SNX6: variants seen among roughly 807,000 people sequenced by gnomAD.
The protein encoded by SNX6 is sorting nexin 6.
Under a neutral mutation model 63.0 loss-of-function variants are expected in SNX6, and 34 were observed. That is an observed-to-expected ratio of 0.54 (90% CI 0.41 to 0.72). SNX6 has a LOEUF of 0.72. Among genes scored for constraint, SNX6 ranks in the 30% least tolerant of loss-of-function variants. The pLI is 0.00. For synonymous variants in SNX6, 170 were observed against 164.2 expected, an observed-to-expected ratio of 1.04 and a Z score of -0.27; for missense variants, 398 against 471.4, an observed-to-expected ratio of 0.84 and a Z score of 1.44.
intron 9 of SNX6, among the ~76,000 whole-genome samples, chr14:34,583,996 C>T (rs1414564596): frequency 2.6e-5 from 4 of 151,732 alleles, no homozygotes; most frequent in South Asian, 2.1e-4. Context: ...TACAGGCATG[C>T]GCCACCACGC....
chr14:34,614,691 G>A (rs182704862), intron 2 of SNX6, among the ~76,000 whole-genome samples: 84 of 152,310 alleles, frequency 5.5e-4, no homozygotes, highest in Middle Eastern at 6.8e-3. Context: ...GCCAAGGCAG[G>A]AGGATCGCTT....
intron 10 of SNX6, among the ~76,000 whole-genome samples, chr14:34,578,676 C>T (rs1393293367): frequency 6.7e-6 from 1 of 148,246 alleles, no homozygotes; most frequent in Non-Finnish European, 1.5e-5. Flanking sequence ...TGCGGTGGCT[C>T]ATGCCTGTAA....
chr14:34,625,183 G>C (rs1594754239), intron 2 of SNX6, among the ~76,000 whole-genome samples: 2 of 152,130 alleles, frequency 1.3e-5, no homozygotes, highest in East Asian at 3.9e-4. Context: ...CCAAAGTGTT[G>C]GGATTATAGG....
At chr14:34,563,199 T>C in intron 13 of SNX6, 24 bp from the exon 14 acceptor site, 5 of 1,597,650 alleles carry the variant, frequency 3.1e-6, no homozygotes, top group Non-Finnish European at 3.4e-6. Context: ...AAAAAATAAA[T>C]TACAAATTTT....
chr14:34,597,381 C>T (rs372048852), intron 7 of SNX6, among the ~76,000 whole-genome samples, 169 bp downstream of exon 7: 19 of 152,248 alleles, frequency 1.2e-4, no homozygotes, highest in Admixed American at 8.5e-4. Flanking sequence ...CAGAAGGGAA[C>T]GCTCTAAAGA....
intron 3 of SNX6, 94 bp from the exon 4 acceptor site, chr14:34,608,234 G>A (rs1029233949): frequency 1.6e-6 from 1 of 621,184 alleles, no homozygotes; most frequent in African/African-American, 1.9e-5. Flanking sequence ...CTGGAGTGCA[G>A]TCGAACAATC....
chr14:34,562,922 C>T lies in SNX6; in HGVS notation c.*200G>A. 1.7e-6 allele frequency: 1 copy of T among 597,950 alleles called. No homozygotes were observed. The highest frequency in any genetic ancestry group is 3.0e-6 in the Non-Finnish European group (1 of 332,572). 37.0% of individuals were successfully genotyped at this position (597,950 alleles called of 1,614,324 possible). On this transcript the variant is annotated 3_prime_UTR_variant, in exon 14 of 14. Transcript: ENST00000362031. ...GATGATGGACCACTGTCATGGGGAA[C>T]ACAGTGCGGCATCACGGCACACAGA...
chr14:34,591,881 G>GT (rs1349768431), intron 8 of SNX6, among the ~76,000 whole-genome samples: 3 of 152,120 alleles, frequency 2.0e-5, no homozygotes, highest in Non-Finnish European at 4.4e-5. Context: ...TAAAAGTAGT[G>GT]TTCTACGAAA....
intron 8 of SNX6, among the ~76,000 whole-genome samples, chr14:34,592,714 GCAC>G (rs5807781): frequency 0.03 from 4,567 of 152,158 alleles, 191 homozygotes; most frequent in African/African-American, 0.098. Flanking sequence ...CAGCCATGCG[GCAC>G]CACGTCTGGC....
At chr14:34,575,196 ATTTT>A (rs34881787) in intron 11 of SNX6, among the ~76,000 whole-genome samples, 3 of 111,004 alleles carry the variant, frequency 2.7e-5, no homozygotes, top group Non-Finnish European at 1.9e-5. Context: ...CCTGGCCTCA[ATTTT>A]TTTTTTTTTT....
At chr14:34,599,758 A>G (rs1882736549) in intron 6 of SNX6, among the ~76,000 whole-genome samples, 1 of 138,782 alleles carries the variant, frequency 7.2e-6, no homozygotes, top group Admixed American at 7.8e-5. Flanking sequence ...CGGGCAACAG[A>G]GCAAGACTCT....
intron 13 of SNX6, among the ~76,000 whole-genome samples, chr14:34,566,667 T>G (rs1434467369): frequency 6.6e-6 from 1 of 152,220 alleles, no homozygotes; most frequent in East Asian, 1.9e-4. Context: ...ATCTTTAAAA[T>G]CCCTCTCAAT....
intron 13 of SNX6, among the ~76,000 whole-genome samples, chr14:34,567,459 G>A (rs532771195): frequency 1.3e-5 from 2 of 152,134 alleles, no homozygotes; most frequent in Non-Finnish European, 2.9e-5. Flanking sequence ...CTGCACTCCA[G>A]CCTGGGCAAT....
At chr14:34,612,343 A>G (rs934462605) in intron 2 of SNX6, among the ~76,000 whole-genome samples, 2 of 152,196 alleles carry the variant, frequency 1.3e-5, no homozygotes, top group African/African-American at 4.8e-5. Context: ...TTATATGTCA[A>G]TAAATGACTT....
At chr14:34,616,393 A>AC (rs1883420520) in intron 2 of SNX6, among the ~76,000 whole-genome samples, 1 of 152,210 alleles carries the variant, frequency 6.6e-6, no homozygotes, top group African/African-American at 2.4e-5. Context: ...TTAAAGAGAC[A>AC]GAGTCTTGCA....
At chr14:34,605,933 G>T (rs1042750547) in intron 4 of SNX6, among the ~76,000 whole-genome samples, 2 of 152,114 alleles carry the variant, frequency 1.3e-5, no homozygotes, top group South Asian at 4.2e-4. Context: ...CAGCACTTTG[G>T]GAGGCTGAGG....
At chr14:34,629,873 A>G (rs1204346396) in intron 2 of SNX6, 34 bp downstream of exon 2, 5 of 1,551,616 alleles carry the variant, frequency 3.2e-6, no homozygotes, top group Non-Finnish European at 4.4e-6. Context: ...AGGAGGGTCC[A>G]GGGTCCCGCG....
intron 9 of SNX6, among the ~76,000 whole-genome samples, chr14:34,584,762 TAG>T (rs138178248): frequency 2.0e-5 from 3 of 151,346 alleles, no homozygotes; most frequent in East Asian, 3.9e-4. Context: ...AAAATATATA[TAG>T]AGAGAGAGAG....
chr14:34,596,901 A>T (rs1882626832), intron 7 of SNX6, among the ~76,000 whole-genome samples: 1 of 152,050 alleles, frequency 6.6e-6, no homozygotes, highest in Non-Finnish European at 1.5e-5. Flanking sequence ...AAAACTCCTG[A>T]CCTCAAATGA....
Sources: gnomAD v4.1 joint callset for allele counts (sites outside exome capture counted in the v4.1 genomes callset) on GRCh38, gnomAD v4.1.1 for gene constraint, MANE v1.5 for transcripts, NCBI Gene and HGNC (gene_info 2026-07-23, HGNC 2026-07-21) for gene names.